The following DNAH12 variants were observed in gnomAD, a reference collection of about 807,000 sequenced individuals.
The protein encoded by DNAH12 is axonemal beta dynein heavy chain 12.
DNAH12 carries 285 observed loss-of-function variants against 371.5 expected under a neutral mutation model. The observed-to-expected ratio is 0.77, with a 90% CI of 0.70 to 0.85. The LOEUF is 0.85. Among genes scored for constraint, DNAH12 ranks in the 40% least tolerant of loss-of-function variants. The pLI is 0.00. For missense variants in DNAH12, 3,611 were observed against 3,689.4 expected, an observed-to-expected ratio of 0.98 and a Z score of 0.55; for synonymous variants, 1,200 against 1,213.0, an observed-to-expected ratio of 0.99 and a Z score of 0.22.
chr3:57,489,408 G>A (rs938275920), intron 12 of DNAH12, 101 bp downstream of exon 12: 24 of 1,207,996 alleles, frequency 2.0e-5, no homozygotes, highest in South Asian at 5.8e-5. Flanking sequence ...AAAGTTGTAC[G>A]TACTTACATA....
chr3:57,416,744 G>A (rs952846769), intron 37 of DNAH12, among the ~76,000 whole-genome samples: 1 of 152,004 alleles, frequency 6.6e-6, no homozygotes, highest in Non-Finnish European at 1.5e-5. Flanking sequence ...GAAAATATTT[G>A]TCCAAAAGCA....
At position 57,507,784 on chromosome 3, in the gene DNAH12, A is replaced by T. The variant is rs775525702; in HGVS notation, c.756T>A (p.Thr252=). 10 of 1,605,902 alleles carry T rather than the reference A, an allele frequency of 6.2e-6. No individual in the cohort carries two copies. In the East Asian group the frequency reaches 2.0e-4, roughly 32 times the overall value. ...TCATTATCTTCTCTTCTGCGTTTCT[A>T]GTTTGTATTGATAGATCAGTTTTCA... ...ESLKTDLSIQ[T]RNAEEKIMNT... Residue 252 remains threonine, a synonymous_variant, in exon 8 of 74, where the codon ACT becomes ACA. Transcript: ENST00000495027.
chr3:57,304,022 T>A (rs1342550653), intron 69 of DNAH12, among the ~76,000 whole-genome samples: 1 of 152,092 alleles, frequency 6.6e-6, no homozygotes. Flanking sequence ...TGGCTCATCC[T>A]GGCTCAAAAA....
intron 11 of DNAH12, among the ~76,000 whole-genome samples, chr3:57,499,643 AAAAAATATATATATATAT>A (rs1184895750): frequency 1.6e-4 from 4 of 24,580 alleles, no homozygotes; most frequent in Admixed American, 6.5e-4. Context: ...AAAAAAAAAA[AAAAAATATATATATATAT>A]ATATATATAT....
chr3:57,504,099 C>T lies in DNAH12; in HGVS notation c.1003G>A (p.Asp335Asn), dbSNP rs139148204. 2.0e-4 allele frequency: 315 copies of T among 1,613,828 alleles called. 1 individual carries two copies. The highest frequency in any genetic ancestry group is 2.2e-4 in the Non-Finnish European group (254 of 1,179,876). Residue 335 changes from aspartate (D) to asparagine (N), a missense_variant, in exon 9 of 74, where the codon GAC becomes AAC. Coordinates refer to ENST00000495027, the MANE Select transcript of DNAH12 (RefSeq NM_001366028.2). ...AAGGTAGGATAAAATTCCATTTTGTCGTCATCAAATGTCAATTCTATCTTA... is the reference window on the plus strand; with the variant it reads ...AAGGTAGGATAAAATTCCATTTTGTTGTCATCAAATGTCAATTCTATCTTA... ...IFKIELTFDDDKMEFYPTFQD... is the reference protein window; with the variant it reads ...IFKIELTFDDNKMEFYPTFQD...
At chr3:57,327,689 A>C (rs2153301596) in intron 62 of DNAH12, among the ~76,000 whole-genome samples, 1 of 152,034 alleles carries the variant, frequency 6.6e-6, no homozygotes, top group Non-Finnish European at 1.5e-5. Flanking sequence ...AGCTAGCAGA[A>C]GGCAAGAAAT....
At chr3:57,525,086 GA>G (rs1478160621) in intron 2 of DNAH12, among the ~76,000 whole-genome samples, 11 of 143,908 alleles carry the variant, frequency 7.6e-5, no homozygotes, top group African/African-American at 2.5e-4. Context: ...TGTCAAGTAC[GA>G]CAGGAATGAC....
chr3:57,533,668 G>A (rs2068927528), intron 2 of DNAH12, among the ~76,000 whole-genome samples: 2 of 152,218 alleles, frequency 1.3e-5, no homozygotes, highest in Admixed American at 6.5e-5. Context: ...CCCAGAATGG[G>A]GTTCTCATGA....
chr3:57,427,016 T>C (rs1292272369), intron 34 of DNAH12, among the ~76,000 whole-genome samples: 1 of 152,006 alleles, frequency 6.6e-6, no homozygotes, highest in Non-Finnish European at 1.5e-5. Context: ...CTTCATAAAG[T>C]GGAATTGCTC....
chr3:57,544,666 C>T (rs1050651487), upstream of DNAH12, among the ~76,000 whole-genome samples: 1 of 152,084 alleles, frequency 6.6e-6, no homozygotes, highest in African/African-American at 2.4e-5. Flanking sequence ...TTCAAATGTC[C>T]CCTAGTGACA....
At chr3:57,357,586 G>T (rs1455099282) in intron 58 of DNAH12, among the ~76,000 whole-genome samples, 1 of 152,042 alleles carries the variant, frequency 6.6e-6, no homozygotes, top group African/African-American at 2.4e-5. Context: ...GGAGGAACAA[G>T]AGAGGAAAAA....
chr3:57,382,649 T>C (rs1451325486), intron 49 of DNAH12, among the ~76,000 whole-genome samples: 9 of 152,052 alleles, frequency 5.9e-5, no homozygotes, highest in Non-Finnish European at 1.2e-4. Context: ...ATGGCAGCTA[T>C]AAATCCACCA....
Position 57,310,919 on chromosome 3 carries a change from A to T in DNAH12, c.10694T>A (p.Phe3565Tyr). The change falls in exon 67 of 74, where the codon TTT becomes TAT. Residue 3565 changes from phenylalanine to tyrosine, a missense_variant. This residue lies in a region of DNAH12 where 2,266 missense variants were observed against 2,236.9 expected (regional missense o/e 1.01). Coordinates refer to ENST00000495027, the MANE Select transcript of DNAH12 (RefSeq NM_001366028.2). ...CCCAGTCAGGTAAGATATAGCTTCAAATGGAATTGTATCATATTCATTGAT... is the reference window on the plus strand; with the variant it reads ...CCCAGTCAGGTAAGATATAGCTTCATATGGAATTGTATCATATTCATTGAT... ...LFINEYDTIPFEAISYLTGEC... is the reference protein window; with the variant it reads ...LFINEYDTIPYEAISYLTGEC... 6.4e-7 allele frequency: 1 copy of T among 1,551,374 alleles called. No homozygotes were observed. Among genetic ancestry groups the T allele is most frequent in the Non-Finnish European group, 8.7e-7 (1 of 1,146,700 alleles).
chr3:57,470,633 C>T lies in DNAH12; in HGVS notation c.1915G>A (p.Val639Met), dbSNP rs1575646782. 1.3e-6 allele frequency: 2 copies of T among 1,524,482 alleles called. No homozygotes were observed. Among genetic ancestry groups the T allele is most frequent in the Non-Finnish European group, 1.8e-6 (2 of 1,140,968 alleles). 94.4% of individuals were successfully genotyped at this position (1,524,482 alleles called of 1,614,324 possible). The change falls in exon 16 of 74, where the codon GTG becomes ATG. Residue 639 changes from valine (V) to methionine (M), a missense_variant. This residue lies in a region of DNAH12 where 1,314 missense variants were observed against 1,398.7 expected (regional missense o/e 0.94). Transcript: ENST00000495027. Reference sequence around the variant, plus strand: ...TTTTGTAGTTGTCTTACATCTGTCACATACTGAAAGTAAATAAGTTTTTTG... The same window carrying T: ...TTTTGTAGTTGTCTTACATCTGTCATATACTGAAAGTAAATAAGTTTTTTG... ...FAELERMQQY[V>M]TDVRQLQKRI...
chr3:57,438,310 TCAA>T (rs2065193485), intron 29 of DNAH12, among the ~76,000 whole-genome samples: 2 of 146,902 alleles, frequency 1.4e-5, no homozygotes, highest in African/African-American at 5.0e-5. Flanking sequence ...AAACTTCGTC[TCAA>T]CAACAAAAAA....
chr3:57,403,834 G>A (rs1553680027), intron 42 of DNAH12, among the ~76,000 whole-genome samples: 2 of 152,062 alleles, frequency 1.3e-5, no homozygotes, highest in African/African-American at 4.8e-5. Flanking sequence ...ATTTCTATGT[G>A]AGAAAAGATC....
At chr3:57,464,976 G>T (rs971399176) in intron 17 of DNAH12, among the ~76,000 whole-genome samples, 3 of 152,204 alleles carry the variant, frequency 2.0e-5, no homozygotes, top group Non-Finnish European at 4.4e-5. Context: ...GTCCCCTAGA[G>T]GGGGAATTGG....
intron 12 of DNAH12, 37 bp from the exon 13 acceptor site, chr3:57,483,548 T>C: frequency 6.6e-7 from 1 of 1,504,600 alleles, no homozygotes; most frequent in South Asian, 1.3e-5. Context: ...CTTATGGCAA[T>C]TAATGTTATA....
chr3:57,351,216 C>G (rs2062665920), intron 60 of DNAH12, among the ~76,000 whole-genome samples: 1 of 151,868 alleles, frequency 6.6e-6, no homozygotes, highest in South Asian at 2.1e-4. Context: ...TTGTGGTGAG[C>G]CAAGATCCCA....
Sources: allele counts gnomAD v4.1 joint callset (sites outside exome capture counted in the v4.1 genomes callset), GRCh38; gene constraint gnomAD v4.1.1; regional missense constraint gnomAD v4.1.1; transcripts MANE v1.5; gene names NCBI Gene and HGNC (gene_info 2026-07-23, HGNC 2026-07-21).